COL10A1: variants seen among roughly 807,000 people sequenced by gnomAD.
COL10A1 encodes collagen alpha-1(X) chain.
COL10A1 carries 10 observed loss-of-function variants against 18.2 expected under a neutral mutation model. The observed-to-expected ratio is 0.55, with a 90% CI of 0.34 to 0.93. COL10A1 has a LOEUF of 0.93. Among genes scored for constraint, COL10A1 ranks in the 40% least tolerant of loss-of-function variants. COL10A1 has a pLI of 0.02. For synonymous variants in COL10A1, 330 were observed against 316.6 expected, an observed-to-expected ratio of 1.04 and a Z score of -0.45; for missense variants, 897 against 853.5, an observed-to-expected ratio of 1.05 and a Z score of -0.64.
Position 116,120,910 on chromosome 6 carries a change from G to A in COL10A1, c.1206C>T (p.Asn402=), listed in dbSNP as rs574310746. The A allele has an allele frequency of 3.1e-6, 5 of 1,613,942 alleles. No homozygotes were observed. The East Asian group carries it at 8.9e-5, about 29-fold the overall frequency. The change falls in exon 3 of 3, where the codon AAC becomes AAT. Residue 402 remains asparagine (N), a synonymous_variant. Coordinates refer to ENST00000651968, the MANE Select transcript of COL10A1 (RefSeq NM_000493.4). ...GKPGLDGPKG[N]PGLPGPKGDP... ...CACCTTTTGGACCTGGTAACCCTGG[G>A]TTACCCTTAGGACCATCGAGACCTG...
At chr6:116,195,618 C>T in the COL10A1 span, among the ~76,000 whole-genome samples, 3 of 152,066 alleles carry the variant, frequency 2.0e-5, no homozygotes, top group African/African-American at 7.2e-5. Context: ...TGTACATAAT[C>T]AGGGGTTAGA....
the COL10A1 span, among the ~76,000 whole-genome samples, chr6:116,169,864 A>G: frequency 1.3e-5 from 2 of 152,230 alleles, no homozygotes; most frequent in Admixed American, 6.5e-5. Context: ...TGAGCAAGTG[A>G]TAATCCAGCA....
At chr6:116,125,941 T>A (rs1213195617) in intron 1 of COL10A1, 112 bp downstream of exon 1, 1 of 158,408 alleles carries the variant, frequency 6.3e-6, no homozygotes, top group Non-Finnish European at 1.4e-5. Context: ...AGAAACCCAT[T>A]TTTTAAATCA....
the COL10A1 span, among the ~76,000 whole-genome samples, chr6:116,168,715 T>C: frequency 1.3e-5 from 2 of 152,198 alleles, no homozygotes; most frequent in East Asian, 1.9e-4. Context: ...TTTAATTTTA[T>C]AGAAAAATGT....
chr6:116,135,860 TATATATATATATAC>T (rs1193356076), intron 1 of COL10A1, among the ~76,000 whole-genome samples: 13 of 117,026 alleles, frequency 1.1e-4, no homozygotes, highest in African/African-American at 1.8e-4. Context: ...TATATATATA[TATATATATATATAC>T]ACACATACAC....
chr6:116,194,525 A>G, the COL10A1 span, among the ~76,000 whole-genome samples: 1 of 152,038 alleles, frequency 6.6e-6, no homozygotes. Context: ...TTAAAAATTG[A>G]TTGAACAGAT....
chr6:116,193,868 C>G, the COL10A1 span, among the ~76,000 whole-genome samples: 7 of 151,816 alleles, frequency 4.6e-5, no homozygotes, highest in African/African-American at 1.7e-4. Context: ...CCCAGTTGTT[C>G]GAAACCAGCC....
chr6:116,142,107 A>T (rs747851776), intron 1 of COL10A1, among the ~76,000 whole-genome samples: 1 of 152,094 alleles, frequency 6.6e-6, no homozygotes, highest in Non-Finnish European at 1.5e-5. Context: ...TTCCTTTGAT[A>T]TTTACAAAAC....
In COL10A1 at chr6:116,119,949, A is replaced by G; in HGVS notation, c.*124T>C. 1 of 956,682 alleles carries G rather than the reference A, an allele frequency of 1.0e-6. No individual in the cohort carries two copies. The highest frequency in any genetic ancestry group is 2.4e-5 in the East Asian group (1 of 41,854). 59.3% of individuals were successfully genotyped at this position (956,682 alleles called of 1,614,324 possible). Reference sequence around the variant, plus strand: ...GAAGGTTTGTTGGTCTGATAGCTCAAATCTGTATTTCAGAAAATAAAAATT... The same window carrying G: ...GAAGGTTTGTTGGTCTGATAGCTCAGATCTGTATTTCAGAAAATAAAAATT... On this transcript the variant is annotated 3_prime_UTR_variant, in exon 3 of 3. Transcript: ENST00000651968.
chr6:116,166,137 C>T, the COL10A1 span, among the ~76,000 whole-genome samples: 5 of 152,038 alleles, frequency 3.3e-5, no homozygotes, highest in South Asian at 8.3e-4. Flanking sequence ...ACCCTTCAGG[C>T]GGGATTCAGA....
Position 116,139,571 on chromosome 6 carries a change from A to T in COL10A1, c.-15-14064T>A, listed in dbSNP as rs181834905. On this transcript the variant is annotated intron_variant, in intron 1 of 1. Transcript: ENST00000418500. The stretch of plus-strand genomic sequence containing the variant: ...GCAGTGTTAATAAGTGTATTGGAAT[A>T]TTAAAAAACATTTTATAAGACAGTA... Among the ~76,000 whole-genome samples, 394 of 152,290 alleles carry T rather than the reference A, an allele frequency of 2.6e-3. 10 individuals are homozygous for T. The South Asian group carries it at 0.043, about 17-fold the overall frequency.
chr6:116,201,093 G>A, the COL10A1 span, among the ~76,000 whole-genome samples: 2 of 151,998 alleles, frequency 1.3e-5, no homozygotes, highest in African/African-American at 4.8e-5. Context: ...GTACCAACTT[G>A]CCCAAGAGGT....
At chr6:116,155,938 A>G (rs1780182034) in intron 1 of COL10A1, among the ~76,000 whole-genome samples, 2 of 152,254 alleles carry the variant, frequency 1.3e-5, no homozygotes, top group Middle Eastern at 3.4e-3. Context: ...AGACAAATGT[A>G]TTCAGTTACC....
chr6:116,175,100 T>A, the COL10A1 span, among the ~76,000 whole-genome samples: 1 of 152,186 alleles, frequency 6.6e-6, no homozygotes, highest in African/African-American at 2.4e-5. Context: ...TCTTGAGATA[T>A]AATTTATATA....
chr6:116,144,242 G>A (rs1054918125), intron 1 of COL10A1, among the ~76,000 whole-genome samples: 12 of 152,040 alleles, frequency 7.9e-5, no homozygotes, highest in African/African-American at 2.4e-4. Context: ...AGTGGCTCAC[G>A]CCTGTATCCC....
At chr6:116,194,096 A>G in the COL10A1 span, among the ~76,000 whole-genome samples, 1 of 152,006 alleles carries the variant, frequency 6.6e-6, no homozygotes, top group Non-Finnish European at 1.5e-5. Flanking sequence ...ATAAAGTAAA[A>G]GCAATTAGGA....
intron 1 of COL10A1, among the ~76,000 whole-genome samples, chr6:116,132,877 A>G (rs1367491347): frequency 6.6e-6 from 1 of 152,162 alleles, no homozygotes; most frequent in Non-Finnish European, 1.5e-5. Flanking sequence ...ATTTTAAAAG[A>G]ACATTCTTAG....
rs371155563 is a variant in COL10A1, at chr6:116,119,744, GT to G, written c.*328del. 460 of 212,186 alleles carry G rather than the reference GT, an allele frequency of 2.2e-3. No homozygotes were observed. Among genetic ancestry groups the G allele is most frequent in the East Asian group, 5.5e-3 (53 of 9,724 alleles). 13.1% of individuals were successfully genotyped at this position (212,186 alleles called of 1,614,324 possible). On this transcript the variant is annotated 3_prime_UTR_variant, in exon 3 of 3. Transcript: ENST00000651968. Reference sequence around the variant, plus strand: ...TCACATAACTTAGAGCTCTATTTCTGTTTTTTTTTTTAATTTTTTTTTTGTT... The same window carrying G: ...TCACATAACTTAGAGCTCTATTTCTGTTTTTTTTTTAATTTTTTTTTTGTT...
Position 116,120,747 on chromosome 6 carries a change from G to A in COL10A1, c.1369C>T (p.Pro457Ser). The change falls in exon 3 of 3, where the codon CCA (proline) becomes TCA (serine). Residue 457 changes from proline to serine, a missense_variant. Physicochemically the swap from Pro to Ser is moderately conservative, Grantham distance 74. Transcript: ENST00000651968. The part of the protein sequence containing the change: ...IPGTRGPIGP[P>S]GIPGFPGSKG... The stretch of plus-strand genomic sequence containing the variant: ...GACCCAGGGAATCCTGGAATGCCTG[G>A]TGGCCCAATAGGGCCTCTAGTACCT... 2 of 1,599,150 alleles carry A rather than the reference G, an allele frequency of 1.3e-6. No homozygotes were observed. The highest frequency in any genetic ancestry group is 1.8e-4 in the Middle Eastern group (1 of 5,628).
Sources: gnomAD v4.1 joint callset for allele counts (sites outside exome capture counted in the v4.1 genomes callset) on GRCh38, gnomAD v4.1.1 for gene constraint, MANE v1.5 for transcripts, NCBI Gene and HGNC (gene_info 2026-07-23, HGNC 2026-07-21) for gene names.